SLC9C1: variants seen among roughly 807,000 people sequenced by gnomAD.
The protein encoded by SLC9C1 is sodium/hydrogen exchanger 10.
Under a neutral mutation model 140.9 loss-of-function variants are expected in SLC9C1, and 97 were observed. The observed-to-expected ratio is 0.69, with a 90% CI of 0.58 to 0.82. The LOEUF (loss-of-function observed/expected upper bound fraction) is 0.82. SLC9C1 is among the 40% of genes least tolerant of loss of function. SLC9C1 has a pLI of 0.00. For missense variants in SLC9C1, 1,340 were observed against 1,389.3 expected, an observed-to-expected ratio of 0.96 and a Z score of 0.56; for synonymous variants, 440 against 442.6, an observed-to-expected ratio of 0.99 and a Z score of 0.07.
intron 20 of SLC9C1, among the ~76,000 whole-genome samples, chr3:112,183,265 A>G (rs1258966279): frequency 6.7e-6 from 1 of 149,460 alleles, no homozygotes; most frequent in Non-Finnish European, 1.5e-5. Context: ...TTTAAAAAAA[A>G]TGGTATGCTG....
At chr3:112,265,847 T>G (rs915500420) in intron 8 of SLC9C1, among the ~76,000 whole-genome samples, 2 of 152,160 alleles carry the variant, frequency 1.3e-5, no homozygotes, top group African/African-American at 4.8e-5. Context: ...TTTAGATTTT[T>G]TTTGCCTTAA....
intron 11 of SLC9C1, among the ~76,000 whole-genome samples, chr3:112,242,070 T>C (rs2079151819): frequency 1.3e-5 from 2 of 152,074 alleles, no homozygotes; most frequent in South Asian, 2.1e-4. Context: ...CCCAAAAAAA[T>C]TGTAACAAAA....
intron 12 of SLC9C1, 48 bp from the exon 13 acceptor site, chr3:112,231,534 T>C (rs1264806626): frequency 6.5e-7 from 1 of 1,530,684 alleles, no homozygotes; most frequent in East Asian, 2.4e-5. Context: ...AATATTAACA[T>C]ATTGTTTAGC....
At chr3:112,154,885 T>C in intron 27 of SLC9C1, 112 bp downstream of exon 27, 1 of 965,178 alleles carries the variant, frequency 1.0e-6, no homozygotes, top group Non-Finnish European at 1.6e-6. Context: ...ATCTACAAAA[T>C]GACTAGCAGA....
At chr3:112,223,502 AG>A (rs1360324366) in intron 13 of SLC9C1, among the ~76,000 whole-genome samples, 8 of 152,214 alleles carry the variant, frequency 5.3e-5, no homozygotes, top group African/African-American at 1.7e-4. Flanking sequence ...AAAGTTATAG[AG>A]TATTATTGAC....
In SLC9C1 at chr3:112,155,037, G is replaced by A; in HGVS notation, c.3377C>T (p.Thr1126Ile). ...LTPGLIGSVGTLEEGIQEERN... is the reference protein window; with the variant it reads ...LTPGLIGSVGILEEGIQEERN... ...TTCTTCTTGAATGCCTTCTTCCAAT[G>A]TTCCAACTGAACCTGATTAAAAAAA... Residue 1126 changes from threonine to isoleucine, a missense_variant, in exon 27 of 29, where the codon ACA becomes ATA. Physicochemically the swap from Thr to Ile is moderately conservative, Grantham distance 89 (BLOSUM62 -1). Transcript: ENST00000305815. 6.3e-7 allele frequency: 1 copy of A among 1,584,564 alleles called. No individual in the cohort carries two copies. Among genetic ancestry groups the A allele is most frequent in the Non-Finnish European group, 8.6e-7 (1 of 1,167,122 alleles).
intron 28 of SLC9C1, among the ~76,000 whole-genome samples, chr3:112,150,819 TACATATATATATATATATATA>T (rs2074945689): frequency 0.056 from 2,525 of 44,994 alleles, 56 homozygotes; most frequent in South Asian, 0.21. Context: ...TAAATACATA[TACATATATATATATATATATA>T]TTTTTTTTTT....
intron 20 of SLC9C1, 93 bp from the exon 21 acceptor site, chr3:112,182,351 A>G (rs1179692840): frequency 2.4e-6 from 3 of 1,275,244 alleles, no homozygotes; most frequent in Non-Finnish European, 3.1e-6. Flanking sequence ...CCTATTCTTG[A>G]TCATTTGACA....
At chr3:112,250,616 A>G (rs1401984381) in intron 10 of SLC9C1, among the ~76,000 whole-genome samples, 1 of 152,200 alleles carries the variant, frequency 6.6e-6, no homozygotes, top group African/African-American at 2.4e-5. Flanking sequence ...GAATGTAGAC[A>G]TATAGATGGC....
intron 16 of SLC9C1, among the ~76,000 whole-genome samples, 161 bp downstream of exon 16, chr3:112,208,017 T>G (rs550159165): frequency 6.6e-6 from 1 of 152,256 alleles, no homozygotes; most frequent in Admixed American, 6.5e-5. Context: ...ATCTATTGAG[T>G]TACTATAAAA....
chr3:112,161,061 A>G (rs2075283462), intron 26 of SLC9C1, among the ~76,000 whole-genome samples: 1 of 152,150 alleles, frequency 6.6e-6, no homozygotes, highest in Admixed American at 6.5e-5. Context: ...GGCTGCATAA[A>G]TTTCTTCTTT....
At chr3:112,157,549 G>A (rs2107872600) in intron 26 of SLC9C1, among the ~76,000 whole-genome samples, 1 of 152,044 alleles carries the variant, frequency 6.6e-6, no homozygotes, top group South Asian at 2.1e-4. Flanking sequence ...TTCTATGTCT[G>A]TGGAGAATGC....
At chr3:112,172,385 C>A (rs2077263273) in intron 23 of SLC9C1, among the ~76,000 whole-genome samples, 2 of 152,042 alleles carry the variant, frequency 1.3e-5, no homozygotes, top group Admixed American at 1.3e-4. Flanking sequence ...TATGAAAACA[C>A]AATTAATTTT....
intron 12 of SLC9C1, 137 bp downstream of exon 12, chr3:112,239,703 T>A: frequency 2.3e-6 from 2 of 884,526 alleles, no homozygotes; most frequent in South Asian, 4.3e-5. Context: ...CTTACTACTT[T>A]GTTAAATAGA....
chr3:112,218,180 T>G (rs1312912698), intron 14 of SLC9C1, among the ~76,000 whole-genome samples: 3 of 151,814 alleles, frequency 2.0e-5, no homozygotes, highest in Admixed American at 6.6e-5. Flanking sequence ...CTAGGTTTTT[T>G]TTTTTTTTTT....
intron 18 of SLC9C1, 47 bp from the exon 19 acceptor site, chr3:112,200,809 A>T: frequency 6.6e-7 from 1 of 1,518,150 alleles, no homozygotes; most frequent in Non-Finnish European, 9.0e-7. Context: ...ACAGACTGTT[A>T]TAAAATGTCC....
At chr3:112,225,555 C>A (rs61474822) in intron 13 of SLC9C1, among the ~76,000 whole-genome samples, 114,371 of 151,314 alleles carry the variant, frequency 0.76, 43,566 homozygotes, top group East Asian at 0.99. Context: ...AAAAAAAACA[C>A]ATGACACCTT....
chr3:112,156,809 G>A (rs2107870247), intron 26 of SLC9C1, among the ~76,000 whole-genome samples: 1 of 151,952 alleles, frequency 6.6e-6, no homozygotes, highest in Admixed American at 6.6e-5. Flanking sequence ...CTATCTGTTG[G>A]TCATTTGCAT....
chr3:112,162,270 C>G (rs2075325105), intron 26 of SLC9C1, among the ~76,000 whole-genome samples: 1 of 152,138 alleles, frequency 6.6e-6, no homozygotes, highest in African/African-American at 2.4e-5. Flanking sequence ...ATTTCCTTCT[C>G]CTGCCTAATT....
Sources: allele counts gnomAD v4.1 joint callset (sites outside exome capture counted in the v4.1 genomes callset), GRCh38; gene constraint gnomAD v4.1.1; transcripts MANE v1.5; gene names NCBI Gene and HGNC (gene_info 2026-07-23, HGNC 2026-07-21).